ST6GALNAC3: variants seen among roughly 807,000 people sequenced by gnomAD.
The protein encoded by ST6GALNAC3 is ST6 N-acetylgalactosaminide alpha-2,6-sialyltransferase 3, also known as alpha-N-acetylgalactosaminide alpha-2,6-sialyltransferase 3.
In ST6GALNAC3, 25 loss-of-function variants were observed where a neutral mutation model predicts 32.7. That is an observed-to-expected ratio of 0.76 (90% CI 0.56 to 1.07). ST6GALNAC3 has a LOEUF of 1.07. Among genes scored for constraint, ST6GALNAC3 ranks in the 50% least tolerant of loss-of-function variants. The probability of loss-of-function intolerance (pLI) is 0.00; values close to 1 mark genes in which losing one functional copy is unlikely to be tolerated. For synonymous variants in ST6GALNAC3, 129 were observed against 133.1 expected (o/e 0.97, Z 0.21); for missense variants, 355 against 382.4 (o/e 0.93, Z 0.60).
intron 1 of ST6GALNAC3, among the ~76,000 whole-genome samples, chr1:76,163,457 A>G (rs1651933697): frequency 1.3e-5 from 2 of 152,118 alleles, no homozygotes; most frequent in Non-Finnish European, 2.9e-5. Context: ...CGACAACTTA[A>G]CCATTTTCTA....
intron 3 of ST6GALNAC3, among the ~76,000 whole-genome samples, chr1:76,503,277 G>C (rs1280960855): frequency 6.6e-6 from 1 of 152,158 alleles, no homozygotes. Context: ...ACTGATTCTC[G>C]CATTCCTACA....
chr1:76,459,147 A>G (rs537739245), intron 3 of ST6GALNAC3, among the ~76,000 whole-genome samples: 2 of 152,316 alleles, frequency 1.3e-5, no homozygotes, highest in East Asian at 3.9e-4. Context: ...TCTCTAAGCC[A>G]TTAGTTCTGA....
At chr1:76,553,181 A>C (rs187445604) in intron 3 of ST6GALNAC3, among the ~76,000 whole-genome samples, 29 of 152,354 alleles carry the variant, frequency 1.9e-4, no homozygotes, top group Admixed American at 1.8e-3. Context: ...TTGATTTTAC[A>C]TAAGTTGTTT....
At chr1:76,209,677 A>G (rs1557698366) in intron 1 of ST6GALNAC3, among the ~76,000 whole-genome samples, 1 of 152,304 alleles carries the variant, frequency 6.6e-6, no homozygotes, top group East Asian at 1.9e-4. Flanking sequence ...CTCCCCCAAC[A>G]GTTGTTTAAA....
chr1:76,146,020 A>C (rs553150216), intron 1 of ST6GALNAC3, among the ~76,000 whole-genome samples: 1 of 152,354 alleles, frequency 6.6e-6, no homozygotes, highest in African/African-American at 2.4e-5. Flanking sequence ...ACGTATGGCC[A>C]TCTAAAAGTA....
At chr1:76,421,095 A>G (rs1655000785) in intron 3 of ST6GALNAC3, among the ~76,000 whole-genome samples, 1 of 152,098 alleles carries the variant, frequency 6.6e-6, no homozygotes, top group Non-Finnish European at 1.5e-5. Context: ...GAATAAATAA[A>G]TGGACGAGTA....
chr1:76,214,944 C>T (rs550694322), intron 1 of ST6GALNAC3, among the ~76,000 whole-genome samples: 5 of 152,172 alleles, frequency 3.3e-5, no homozygotes, highest in African/African-American at 1.2e-4. Context: ...AGCCATTTCA[C>T]TTTTCTGAAT....
intron 1 of ST6GALNAC3, among the ~76,000 whole-genome samples, chr1:76,103,956 C>T (rs1177476329): frequency 2.6e-5 from 4 of 152,192 alleles, no homozygotes; most frequent in African/African-American, 9.7e-5. Context: ...GTAATATTCA[C>T]AAGTCTCAGA....
chr1:76,448,605 G>A (rs755754592), intron 3 of ST6GALNAC3, among the ~76,000 whole-genome samples: 2 of 152,076 alleles, frequency 1.3e-5, no homozygotes, highest in Non-Finnish European at 2.9e-5. Context: ...ATGGGTGCAG[G>A]TCTTTCCCTG....
At position 76,578,975 on chromosome 1, in the gene ST6GALNAC3, A is replaced by G. The variant is rs1024908159; in HGVS notation, c.624-48477A>G. Among the ~76,000 whole-genome samples the G allele has an allele frequency of 3.9e-5, 6 of 152,112 alleles. No homozygotes were observed. The East Asian group carries it at 9.7e-4, about 25-fold the overall frequency. ...TGCACTGAGGGAGAGAGCAAGAGTG[A>G]GTTTCTATTTTCATTCTGTCGTGCT... On this transcript the variant is annotated intron_variant, in intron 3 of 4. Coordinates refer to ENST00000328299, the MANE Select transcript of ST6GALNAC3 (RefSeq NM_152996.4).
chr1:76,446,969 G>A (rs1657021847), intron 3 of ST6GALNAC3, among the ~76,000 whole-genome samples: 1 of 152,178 alleles, frequency 6.6e-6, no homozygotes, highest in African/African-American at 2.4e-5. Flanking sequence ...GGGCACTGCT[G>A]AAAAGATACC....
chr1:76,582,664 G>A (rs1052501596), intron 3 of ST6GALNAC3, among the ~76,000 whole-genome samples: 69 of 152,124 alleles, frequency 4.5e-4, no homozygotes, highest in African/African-American at 1.6e-3. Context: ...CCTTTTTTGG[G>A]ACAGTATTAA....
At chr1:76,333,113 A>AT in intron 2 of ST6GALNAC3, among the ~76,000 whole-genome samples, 1 of 152,278 alleles carries the variant, frequency 6.6e-6, no homozygotes, top group African/African-American at 2.4e-5. Flanking sequence ...ATCCAAAAAT[A>AT]TTTTAAATTA....
chr1:76,285,906 C>A (rs985879481), intron 1 of ST6GALNAC3, among the ~76,000 whole-genome samples: 1 of 151,978 alleles, frequency 6.6e-6, no homozygotes, highest in Admixed American at 6.6e-5. Context: ...AGACACACAC[C>A]CCCGCGCCCC....
intron 2 of ST6GALNAC3, among the ~76,000 whole-genome samples, chr1:76,322,988 C>T (rs776416301): frequency 5.9e-5 from 9 of 152,182 alleles, no homozygotes; most frequent in Non-Finnish European, 8.8e-5. Flanking sequence ...TTACAGGCAC[C>T]TGCCACCATG....
At chr1:76,490,660 A>C (rs1013068541) in intron 3 of ST6GALNAC3, among the ~76,000 whole-genome samples, 3 of 151,696 alleles carry the variant, frequency 2.0e-5, no homozygotes, top group Admixed American at 1.3e-4. Context: ...GAGCTTTTCT[A>C]ATATCTCTTG....
chr1:76,498,126 G>A (rs942905941), intron 3 of ST6GALNAC3, among the ~76,000 whole-genome samples: 2 of 152,166 alleles, frequency 1.3e-5, no homozygotes, highest in Non-Finnish European at 2.9e-5. Context: ...GCTGCTTCTG[G>A]TAGCCCAGGC....
chr1:76,134,505 C>T (rs189714330), intron 1 of ST6GALNAC3, among the ~76,000 whole-genome samples: 18 of 152,310 alleles, frequency 1.2e-4, no homozygotes, highest in Admixed American at 1.0e-3. Flanking sequence ...ACACATCAGC[C>T]AGTGGTTTAA....
Position 76,586,728 on chromosome 1 carries a change from A to G in ST6GALNAC3, c.624-40724A>G, listed in dbSNP as rs138964767. ...TAATGTGACATTAATCAGTGTTTTAATATTTCTTCAAAATGTATCTATTCT... is the reference window on the plus strand; with the variant it reads ...TAATGTGACATTAATCAGTGTTTTAGTATTTCTTCAAAATGTATCTATTCT... On this transcript the variant is annotated intron_variant, in intron 3 of 4. Coordinates refer to ENST00000328299, the MANE Select transcript of ST6GALNAC3 (RefSeq NM_152996.4). 6.9e-3 allele frequency among the ~76,000 whole-genome samples: 1,056 copies of G among 152,184 alleles called. 13 individuals carry two copies. Among genetic ancestry groups the G allele is most frequent in the Admixed American group, 0.035 (535 of 15,234 alleles).
Sources: gnomAD v4.1 joint callset for allele counts (sites outside exome capture counted in the v4.1 genomes callset) on GRCh38, gnomAD v4.1.1 for gene constraint, MANE v1.5 for transcripts, NCBI Gene and HGNC (gene_info 2026-07-23, HGNC 2026-07-21) for gene names.